Variants in NAALADL2 observed in about 807,000 individuals in gnomAD.
NAALADL2 encodes the protein N-acetylated alpha-linked acidic dipeptidase like 2.
In NAALADL2, 76 loss-of-function variants were observed where a neutral mutation model predicts 87.2. That is an observed-to-expected ratio of 0.87 (90% CI 0.72 to 1.05). The LOEUF (loss-of-function observed/expected upper bound fraction) is 1.05, where lower values mean the gene tolerates loss of function less well. Ranked by LOEUF, NAALADL2 falls within the 50% of genes least tolerant of loss-of-function variation. The pLI, the probability that NAALADL2 is intolerant of heterozygous loss-of-function variation, is 0.00. For missense variants in NAALADL2, 1,089 were observed against 945.8 expected (o/e 1.15, Z -1.99); for synonymous variants, 354 against 331.0 (o/e 1.07, Z -0.75).
chr3:175,795,440 G>A (rs189737431), intron 13 of NAALADL2, among the ~76,000 whole-genome samples: 127 of 152,018 alleles, frequency 8.4e-4, no homozygotes, highest in Non-Finnish European at 1.3e-3. Context: ...TTGGGAGACC[G>A]AGGTAAGTGG....
intron 5 of NAALADL2, among the ~76,000 whole-genome samples, chr3:175,432,144 AT>A (rs1717864298): frequency 6.6e-6 from 1 of 152,076 alleles, no homozygotes; most frequent in Non-Finnish European, 1.5e-5. Context: ...TTAGCATTAC[AT>A]TATTTCTGAG....
At chr3:175,496,336 A>G (rs913278711) in intron 9 of NAALADL2, among the ~76,000 whole-genome samples, 1 of 151,926 alleles carries the variant, frequency 6.6e-6, no homozygotes, top group African/African-American at 2.4e-5. Flanking sequence ...TTTATATTCT[A>G]TTATATCTTT....
intron 2 of NAALADL2, among the ~76,000 whole-genome samples, chr3:174,593,450 G>T (rs1260417528): frequency 6.6e-6 from 1 of 152,054 alleles, no homozygotes; most frequent in Admixed American, 6.5e-5. Flanking sequence ...AGAGGTTTTT[G>T]TATATTTGCC....
chr3:174,478,124 T>C (rs1717326774), intron 1 of NAALADL2, among the ~76,000 whole-genome samples: 1 of 152,172 alleles, frequency 6.6e-6, no homozygotes, highest in Admixed American at 6.6e-5. Context: ...TTAAAATTAC[T>C]TTTAACAATA....
intron 4 of NAALADL2, among the ~76,000 whole-genome samples, chr3:175,317,279 T>C (rs1759276132): frequency 6.6e-6 from 1 of 152,070 alleles, no homozygotes; most frequent in Non-Finnish European, 1.5e-5. Flanking sequence ...GTCAAATAGT[T>C]ATTGTACTTA....
intron 11 of NAALADL2, among the ~76,000 whole-genome samples, chr3:175,685,915 G>A (rs527550493): frequency 2.6e-5 from 4 of 152,224 alleles, no homozygotes; most frequent in South Asian, 2.1e-4. Flanking sequence ...TAAAATTAAC[G>A]TCAAAGCACC....
chr3:175,208,568 T>A (rs1741302486), intron 2 of NAALADL2, among the ~76,000 whole-genome samples: 3 of 152,118 alleles, frequency 2.0e-5, no homozygotes, highest in Admixed American at 1.3e-4. Context: ...TGTTACGAAG[T>A]GGATTGCTGA....
chr3:175,048,562 A>G (rs1017221834), intron 1 of NAALADL2, among the ~76,000 whole-genome samples: 6 of 150,652 alleles, frequency 4.0e-5, no homozygotes, highest in African/African-American at 1.5e-4. Context: ...AGGAAAGAGG[A>G]AAGGAGATTA....
intron 2 of NAALADL2, among the ~76,000 whole-genome samples, chr3:175,182,550 G>GT (rs1161831796): frequency 0.04 from 2,799 of 69,346 alleles, 491 homozygotes; most frequent in African/African-American, 0.053. Context: ...ACCACAGCCA[G>GT]TTTTTTTTTT....
chr3:175,602,470 A>ATG (rs1723105403), intron 10 of NAALADL2, among the ~76,000 whole-genome samples: 1 of 150,656 alleles, frequency 6.6e-6, no homozygotes, highest in African/African-American at 2.5e-5. Flanking sequence ...ATATATATAG[A>ATG]GAGAGAGAGA....
chr3:175,190,772 C>T (rs894155240), intron 2 of NAALADL2, among the ~76,000 whole-genome samples: 2 of 151,832 alleles, frequency 1.3e-5, no homozygotes, highest in Non-Finnish European at 2.9e-5. Flanking sequence ...GTCAGGAGAT[C>T]GAGACCATCC....
chr3:175,529,486 A>G (rs988064494), intron 9 of NAALADL2, among the ~76,000 whole-genome samples: 1 of 152,156 alleles, frequency 6.6e-6, no homozygotes, highest in Non-Finnish European at 1.5e-5. Context: ...GGACCTGTGA[A>G]TCCTGGCTGT....
chr3:174,923,003 G>T (rs1365043331), intron 1 of NAALADL2, among the ~76,000 whole-genome samples: 1 of 152,074 alleles, frequency 6.6e-6, no homozygotes, highest in East Asian at 1.9e-4. Context: ...GATACTTTGA[G>T]ATTATGCAAA....
intron 5 of NAALADL2, among the ~76,000 whole-genome samples, chr3:175,349,798 G>C (rs191972566): frequency 6.6e-6 from 1 of 152,226 alleles, no homozygotes; most frequent in East Asian, 1.9e-4. Flanking sequence ...TCAAGAACCT[G>C]ATGAGTGCTG....
chr3:174,834,857 TATTAA>T (rs1723150181), intron 3 of NAALADL2, among the ~76,000 whole-genome samples: 1 of 151,878 alleles, frequency 6.6e-6, no homozygotes, highest in Non-Finnish European at 1.5e-5. Context: ...TATTAATTTT[TATTAA>T]ATTGACCTTT....
chr3:175,253,362 C>T (rs1008649984), intron 3 of NAALADL2, among the ~76,000 whole-genome samples: 2 of 152,174 alleles, frequency 1.3e-5, no homozygotes, highest in African/African-American at 2.4e-5. Flanking sequence ...TATGTTTACA[C>T]ATGGACTACT....
intron 1 of NAALADL2, among the ~76,000 whole-genome samples, chr3:174,515,155 G>A (rs1719864578): frequency 1.3e-5 from 2 of 152,088 alleles, no homozygotes; most frequent in Admixed American, 1.3e-4. Flanking sequence ...TTTCAGAAAA[G>A]GCATTCAGGT....
At chr3:175,661,542 T>G (rs1056448361) in intron 11 of NAALADL2, among the ~76,000 whole-genome samples, 1 of 148,722 alleles carries the variant, frequency 6.7e-6, no homozygotes, top group Non-Finnish European at 1.5e-5. Flanking sequence ...TTGCTTTTGT[T>G]GCCTGTGCTT....
intron 1 of NAALADL2, among the ~76,000 whole-genome samples, chr3:174,925,814 G>A (rs1359263632): frequency 1.3e-5 from 2 of 151,996 alleles, no homozygotes; most frequent in African/African-American, 4.8e-5. Flanking sequence ...GGATTCCTAG[G>A]TATTTTATTC....
Sources: gnomAD v4.1 joint callset for allele counts (sites outside exome capture counted in the v4.1 genomes callset) on GRCh38, gnomAD v4.1.1 for gene constraint, MANE v1.5 for transcripts, NCBI Gene and HGNC (gene_info 2026-07-23, HGNC 2026-07-21) for gene names.